PRDM5: variants seen among roughly 807,000 people sequenced by gnomAD.
PRDM5 encodes the protein PR domain zinc finger protein 5.
PRDM5 carries 56 observed loss-of-function variants against 81.2 expected under a neutral mutation model. That is an observed-to-expected ratio of 0.69 (90% CI 0.56 to 0.86). The LOEUF (loss-of-function observed/expected upper bound fraction) is 0.86, where lower values mean the gene tolerates loss of function less well. Among genes scored for constraint, PRDM5 ranks in the 40% least tolerant of loss-of-function variants. PRDM5 has a pLI of 0.00. For missense variants in PRDM5, 697 were observed against 770.1 expected (o/e 0.91, Z 1.12); for synonymous variants, 267 against 256.4 (o/e 1.04, Z -0.39).
At chr4:120,882,418 G>T (rs1046530714) in intron 2 of PRDM5, among the ~76,000 whole-genome samples, 1 of 152,062 alleles carries the variant, frequency 6.6e-6, no homozygotes, top group Non-Finnish European at 1.5e-5. Flanking sequence ...AAAGTGCTGG[G>T]ATTACAGACG....
chr4:120,699,893 T>C (rs142644861), intron 15 of PRDM5, among the ~76,000 whole-genome samples: 4 of 151,414 alleles, frequency 2.6e-5, no homozygotes, highest in South Asian at 2.1e-4. Context: ...AAACAACCAA[T>C]ATCATTTTCC....
intron 10 of PRDM5, among the ~76,000 whole-genome samples, chr4:120,786,388 T>C (rs923737652): frequency 2.6e-5 from 4 of 151,904 alleles, no homozygotes; most frequent in African/African-American, 9.7e-5. Flanking sequence ...TGGAAATACA[T>C]AGATCAATAA....
At chr4:120,703,865 C>T (rs1578413609) in intron 15 of PRDM5, among the ~76,000 whole-genome samples, 1 of 152,164 alleles carries the variant, frequency 6.6e-6, no homozygotes, top group East Asian at 1.9e-4. Context: ...TATCTCATTT[C>T]AAACAGAGAT....
At chr4:120,717,939 G>A (rs1738037184) in intron 14 of PRDM5, among the ~76,000 whole-genome samples, 1 of 152,116 alleles carries the variant, frequency 6.6e-6, no homozygotes, top group East Asian at 1.9e-4. Flanking sequence ...TCTCTTTCAT[G>A]ACCGTGATAG....
chr4:120,816,058 A>G (rs1436490756), intron 7 of PRDM5: 1 of 226,414 alleles, frequency 4.4e-6, no homozygotes, highest in Non-Finnish European at 8.9e-6. Flanking sequence ...CACAAGTTGG[A>G]TTTTTACTGT....
At chr4:120,847,987 T>G (rs528536508) in intron 3 of PRDM5, among the ~76,000 whole-genome samples, 1 of 152,328 alleles carries the variant, frequency 6.6e-6, no homozygotes, top group South Asian at 2.1e-4. Flanking sequence ...GCTCTGATTC[T>G]GAAATTTTAC....
chr4:120,793,222 T>C (rs12504122), intron 10 of PRDM5, among the ~76,000 whole-genome samples: 30,237 of 151,830 alleles, frequency 0.2, 3,662 homozygotes, highest in Non-Finnish European at 0.28. Context: ...CACAGGAGGG[T>C]GAATCCTATT....
chr4:120,865,193 G>T (rs1399421712), intron 2 of PRDM5, among the ~76,000 whole-genome samples: 2 of 152,212 alleles, frequency 1.3e-5, no homozygotes, highest in East Asian at 3.9e-4. Context: ...GACACTCCAA[G>T]TGGGGAGAAA....
At chr4:120,828,840 C>T (rs1756357248) in intron 3 of PRDM5, among the ~76,000 whole-genome samples, 1 of 151,982 alleles carries the variant, frequency 6.6e-6, no homozygotes, top group African/African-American at 2.4e-5. Flanking sequence ...TCAAGACTAT[C>T]TTCTGGCTTT....
At chr4:120,712,418 T>C (rs994838238) in intron 14 of PRDM5, among the ~76,000 whole-genome samples, 12 of 152,292 alleles carry the variant, frequency 7.9e-5, no homozygotes, top group African/African-American at 2.4e-4. Flanking sequence ...AAACAGTATG[T>C]AAATAACCAG....
At position 120,698,050 on chromosome 4, in the gene PRDM5, G is replaced by A. The variant is rs371999306; in HGVS notation, c.1729-2775C>T. On this transcript the variant is annotated intron_variant, in intron 15 of 15. Coordinates refer to ENST00000264808, the MANE Select transcript of PRDM5 (RefSeq NM_018699.4). ...GGAATCATTTTATTTGTCTTCTTTT[G>A]TCTCCATATTTCCTCATTCTTCTCT... is the stretch of plus-strand genomic sequence containing the variant. Among the ~76,000 whole-genome samples, 9 of 151,932 alleles carry A rather than the reference G, an allele frequency of 5.9e-5. No homozygotes were observed. In the East Asian group the frequency reaches 1.4e-3, roughly 23 times the overall value.
In PRDM5 at chr4:120,702,624, T is replaced by C. The variant is rs147764370; in HGVS notation, c.1729-7349A>G. 9.8e-5 allele frequency among the ~76,000 whole-genome samples: 15 copies of C among 152,304 alleles called. No individual in the cohort carries two copies. The East Asian group carries it at 2.7e-3, about 27-fold the overall frequency. On this transcript the variant is annotated intron_variant, in intron 15 of 15. Coordinates refer to ENST00000264808, the MANE Select transcript of PRDM5 (RefSeq NM_018699.4). ...AAATAATGGTTGATAGATTCAATGA[T>C]TGATTGATTAAATCTCTATGGACAA...
At chr4:120,684,720 T>C (rs1436354479), downstream of PRDM5, among the ~76,000 whole-genome samples, 1 of 151,884 alleles carries the variant, frequency 6.6e-6, no homozygotes, top group Non-Finnish European at 1.5e-5. Context: ...ACTACTGTTC[T>C]TTTGCTCAGA....
intron 2 of PRDM5, among the ~76,000 whole-genome samples, chr4:120,857,989 T>C (rs1760077013): frequency 6.6e-6 from 1 of 152,120 alleles, no homozygotes; most frequent in Non-Finnish European, 1.5e-5. Flanking sequence ...CCCCCAGAAG[T>C]GGCAAAATGT....
intron 10 of PRDM5, among the ~76,000 whole-genome samples, chr4:120,786,236 T>C (rs1231847766): frequency 6.6e-6 from 1 of 152,138 alleles, no homozygotes; most frequent in Non-Finnish European, 1.5e-5. Flanking sequence ...TAGCATAATG[T>C]TGGTGAGAAA....
chr4:120,816,054 T>C (rs1297753367), intron 7 of PRDM5: 1 of 222,872 alleles, frequency 4.5e-6, no homozygotes, highest in African/African-American at 2.4e-5. Context: ...TTTTCACAAG[T>C]TGGATTTTTA....
intron 2 of PRDM5, among the ~76,000 whole-genome samples, chr4:120,882,577 C>A (rs963400133): frequency 1.1e-4 from 16 of 152,070 alleles, no homozygotes; most frequent in African/African-American, 3.6e-4. Context: ...TATTAGAAAG[C>A]TACGCAATAC....
chr4:120,881,176 T>C (rs1462952806), intron 2 of PRDM5, among the ~76,000 whole-genome samples: 2 of 152,236 alleles, frequency 1.3e-5, no homozygotes, highest in African/African-American at 4.8e-5. Flanking sequence ...TGCAATGTGA[T>C]ATTGGTGAGA....
At chr4:120,772,599 A>G (rs1417277031) in intron 13 of PRDM5, among the ~76,000 whole-genome samples, 1 of 152,212 alleles carries the variant, frequency 6.6e-6, no homozygotes, top group South Asian at 2.1e-4. Flanking sequence ...CCAGTCTGAG[A>G]AATCAAGACG....
Sources: allele counts gnomAD v4.1 joint callset (sites outside exome capture counted in the v4.1 genomes callset), GRCh38; gene constraint gnomAD v4.1.1; transcripts MANE v1.5; gene names NCBI Gene and HGNC (gene_info 2026-07-23, HGNC 2026-07-21).